Variants in VPS26C observed in about 807,000 individuals in gnomAD.
VPS26C encodes vacuolar protein sorting-associated protein 26C.
Under a neutral mutation model 30.6 loss-of-function variants are expected in VPS26C, and 19 were observed. The ratio of observed to expected loss-of-function variants is 0.62; its 90% CI spans 0.43 to 0.91. VPS26C has a LOEUF of 0.91. Ranked by LOEUF, VPS26C falls within the 40% of genes least tolerant of loss-of-function variation. The pLI is 0.00. For synonymous variants in VPS26C, 132 were observed against 151.5 expected (o/e 0.87, Z 0.95); for missense variants, 318 against 385.1 (o/e 0.83, Z 1.46).
At chr21:37,264,788 G>A (rs543616271) in intron 1 of VPS26C, among the ~76,000 whole-genome samples, 24 of 152,184 alleles carry the variant, frequency 1.6e-4, no homozygotes, top group African/African-American at 5.5e-4. Flanking sequence ...CCACTCCTAG[G>A]TATATATCCA....
chr21:37,266,765 TC>T (rs1471383495), intron 1 of VPS26C: 1 of 175,980 alleles, frequency 5.7e-6, no homozygotes, highest in Non-Finnish European at 1.2e-5. Context: ...GTGACTACCA[TC>T]TAATATATGC....
chr21:37,238,294 C>T, intron 3 of VPS26C, 166 bp downstream of exon 3: 1 of 748,374 alleles, frequency 1.3e-6, no homozygotes, highest in South Asian at 2.1e-5. Flanking sequence ...ACATCAAATG[C>T]ATTTATCAGG....
intron 1 of VPS26C, 118 bp downstream of exon 1, chr21:37,267,120 C>T (rs1309599206): frequency 1.1e-6 from 1 of 940,216 alleles, no homozygotes; most frequent in Non-Finnish European, 1.7e-6. Context: ...CGGAGACGCA[C>T]CTGGCGGGAC....
At chr21:37,244,929 A>AT (rs2086122369) in intron 1 of VPS26C, among the ~76,000 whole-genome samples, 2 of 152,228 alleles carry the variant, frequency 1.3e-5, no homozygotes, top group Non-Finnish European at 2.9e-5. Flanking sequence ...TGCTGGAAGC[A>AT]GTCGGTCTCT....
At chr21:37,267,344 G>A (rs2086378929), upstream of VPS26C, 1 of 1,551,520 alleles carries the variant, frequency 6.4e-7, no homozygotes, top group Non-Finnish European at 8.9e-7. Flanking sequence ...TGACCCCAGG[G>A]AAACAAGGGG....
At chr21:37,245,202 GAA>G (rs2148296330) in intron 1 of VPS26C, among the ~76,000 whole-genome samples, 1 of 152,342 alleles carries the variant, frequency 6.6e-6, no homozygotes, top group East Asian at 1.9e-4. Context: ...AGGAAGGAGA[GAA>G]ATACGAGTGG....
At position 37,240,575 on chromosome 21, in the gene VPS26C, A is replaced by C. The variant is rs1410118268; in HGVS notation, c.122T>G (p.Leu41Trp). 6.2e-7 allele frequency: 1 copy of C among 1,614,234 alleles called. No homozygotes were observed. Among genetic ancestry groups the C allele is most frequent in the South Asian group, 1.1e-5 (1 of 91,088 alleles). Residue 41 changes from leucine to tryptophan, a missense_variant, in exon 2 of 8, where the codon TTG (leucine) becomes TGG (tryptophan). Leu to Trp is a moderately conservative substitution (Grantham distance 61). Transcript: ENST00000309117. Reference sequence around the variant, plus strand: ...GAGGTTTACAGTTCCTTCCATGGTCAAAGACACTCCCTGGTGTTGGACTGA... The same window carrying C: ...GAGGTTTACAGTTCCTTCCATGGTCCAAGACACTCCCTGGTGTTGGACTGA... ...KDSVQHQGVSLTMEGTVNLQL... is the reference protein window; with the variant it reads ...KDSVQHQGVSWTMEGTVNLQL...
At chr21:37,236,591 G>A (rs1043886905) in intron 3 of VPS26C, among the ~76,000 whole-genome samples, 3 of 152,146 alleles carry the variant, frequency 2.0e-5, no homozygotes, top group Admixed American at 2.0e-4. Flanking sequence ...TCAAGACTCT[G>A]AAACTAACTT....
intron 1 of VPS26C, among the ~76,000 whole-genome samples, chr21:37,244,090 G>A (rs2086113951): frequency 6.6e-6 from 1 of 152,204 alleles, no homozygotes; most frequent in African/African-American, 2.4e-5. Context: ...TCTGGAGAGA[G>A]GCCTGAAGCT....
chr21:37,241,755 G>A (rs956936916), intron 1 of VPS26C, among the ~76,000 whole-genome samples: 2 of 152,184 alleles, frequency 1.3e-5, no homozygotes, highest in African/African-American at 4.8e-5. Flanking sequence ...CTGGGTGGTT[G>A]AGGCTGCAGC....
intron 1 of VPS26C, among the ~76,000 whole-genome samples, chr21:37,255,851 A>ATTTTTTTTTTTTTTTTTTTTTTTTTTTT (rs375877407): frequency 3.7e-5 from 4 of 108,514 alleles, no homozygotes; most frequent in African/African-American, 1.8e-4. Flanking sequence ...TATGCACTGC[A>ATTTTTTTTTTTTTTTTTTTTTTTTTTTT]TTTTTTTTTT....
At position 37,225,540 on chromosome 21, in the gene VPS26C, C is replaced by T. The variant is rs770701531; in HGVS notation, c.*4G>A. The T allele has an allele frequency of 1.5e-5, 24 of 1,613,464 alleles. No individual in the cohort carries two copies. The highest frequency in any genetic ancestry group is 5.0e-5 in the Admixed American group (3 of 60,008). On this transcript the variant is annotated 3_prime_UTR_variant, in exon 8 of 8. Transcript: ENST00000309117. The stretch of plus-strand genomic sequence containing the variant: ...TCCCGTTCTCTATGCTTCCCTCCTC[C>T]GGGCTATATCCTGCAGAGCTTCAGC...
At chr21:37,235,659 C>T (rs946240641) in intron 3 of VPS26C, among the ~76,000 whole-genome samples, 2 of 151,408 alleles carry the variant, frequency 1.3e-5, no homozygotes, top group Admixed American at 1.3e-4. Flanking sequence ...AGTAGATGCA[C>T]AAAGGGCAAC....
At chr21:37,263,912 G>A (rs373846457) in intron 1 of VPS26C, among the ~76,000 whole-genome samples, 2 of 152,072 alleles carry the variant, frequency 1.3e-5, no homozygotes, top group Admixed American at 6.6e-5. Context: ...AGGAGAGAAG[G>A]GCCGCTTCTC....
At chr21:37,240,826 G>T (rs1030064460) in intron 1 of VPS26C, among the ~76,000 whole-genome samples, 187 bp from the exon 2 acceptor site, 1 of 152,206 alleles carries the variant, frequency 6.6e-6, no homozygotes, top group African/African-American at 2.4e-5. Context: ...TGATAATGAC[G>T]TGGCAGCCTG....
chr21:37,241,266 G>A (rs909456953), intron 1 of VPS26C, among the ~76,000 whole-genome samples: 8 of 152,182 alleles, frequency 5.3e-5, no homozygotes, highest in Non-Finnish European at 1.2e-4. Context: ...ACACCAGGAG[G>A]CATCGGCGCC....
chr21:37,266,857 G>A (rs1042506619), intron 1 of VPS26C: 2 of 333,644 alleles, frequency 6.0e-6, no homozygotes, highest in Non-Finnish European at 1.1e-5. Flanking sequence ...CCTTAGGAGA[G>A]AGGGAAAGGG....
intron 1 of VPS26C, chr21:37,261,002 C>A (rs1383041162): frequency 1.3e-5 from 2 of 152,154 alleles, no homozygotes; most frequent in Non-Finnish European, 1.5e-5. Context: ...TTAAATGTTT[C>A]AGGGCTTCAA....
intron 1 of VPS26C, among the ~76,000 whole-genome samples, chr21:37,266,264 T>C (rs543769047): frequency 6.6e-6 from 1 of 152,266 alleles, no homozygotes; most frequent in South Asian, 2.1e-4. Flanking sequence ...CCATTTGAGC[T>C]TGTGTAAATA....
Sources: allele counts gnomAD v4.1 joint callset (sites outside exome capture counted in the v4.1 genomes callset), GRCh38; gene constraint gnomAD v4.1.1; transcripts MANE v1.5; gene names NCBI Gene and HGNC (gene_info 2026-07-23, HGNC 2026-07-21).